Variants in UTS2 observed in about 807,000 individuals in gnomAD.
UTS2 encodes the protein urotensin 2.
In UTS2, 10 loss-of-function variants were observed where a neutral mutation model predicts 12.6. The observed-to-expected ratio is 0.80, with a 90% CI of 0.49 to 1.35. UTS2 has a LOEUF of 1.35. UTS2 is among the 40% of genes most tolerant of loss of function. The probability of loss-of-function intolerance (pLI) is 0.00; values close to 1 mark genes in which losing one functional copy is unlikely to be tolerated. For synonymous variants in UTS2, 52 were observed against 50.0 expected (o/e 1.04, Z -0.17); for missense variants, 142 against 143.2 (o/e 0.99, Z 0.04).
chr1:7,869,400 C>T, the UTS2 span, among the ~76,000 whole-genome samples: 2 of 152,208 alleles, frequency 1.3e-5, no homozygotes, highest in Non-Finnish European at 2.9e-5. Flanking sequence ...CCACATGGCT[C>T]TGCGCATGCC....
chr1:7,854,857 T>C (rs1389851009), upstream of UTS2, among the ~76,000 whole-genome samples: 1 of 133,022 alleles, frequency 7.5e-6, no homozygotes, highest in Non-Finnish European at 1.7e-5. Context: ...CTAATAACAA[T>C]AATAATAATA....
At chr1:7,854,536 G>GAGAA (rs1638264526), upstream of UTS2, among the ~76,000 whole-genome samples, 1 of 143,772 alleles carries the variant, frequency 7.0e-6, no homozygotes, top group South Asian at 2.1e-4. Flanking sequence ...AAAGAAGAAA[G>GAGAA]AAAAGTGGTT....
At chr1:7,867,291 C>T in the UTS2 span, among the ~76,000 whole-genome samples, 2 of 152,094 alleles carry the variant, frequency 1.3e-5, no homozygotes, top group African/African-American at 4.8e-5. Context: ...TTGTGTTGGC[C>T]CCTAATTTAT....
chr1:7,872,314 AAAAAAGGAAAAG>A, the UTS2 span, among the ~76,000 whole-genome samples: 2,515 of 143,398 alleles, frequency 0.018, 108 homozygotes, highest in East Asian at 0.19. Context: ...AAAAAAAAAA[AAAAAAGGAAAAG>A]AAAAAAAAAG....
chr1:7,880,202 G>A, the UTS2 span, among the ~76,000 whole-genome samples: 1 of 152,068 alleles, frequency 6.6e-6, no homozygotes, highest in Admixed American at 6.6e-5. Context: ...AGGTTGCAGT[G>A]AGCTGTGATC....
chr1:7,854,084 G>A (rs1055254440), upstream of UTS2, among the ~76,000 whole-genome samples: 6 of 152,096 alleles, frequency 3.9e-5, no homozygotes, highest in African/African-American at 1.4e-4. Flanking sequence ...AGTGGCTCAC[G>A]CCTGTAATCC....
At chr1:7,856,176 T>C (rs1453256104), upstream of UTS2, among the ~76,000 whole-genome samples, 1 of 138,666 alleles carries the variant, frequency 7.2e-6, no homozygotes, top group Non-Finnish European at 1.5e-5. Context: ...GCAGACTCGA[T>C]AAATATTTGT....
At chr1:7,871,946 C>G in the UTS2 span, among the ~76,000 whole-genome samples, 3 of 152,110 alleles carry the variant, frequency 2.0e-5, no homozygotes, top group Non-Finnish European at 2.9e-5. Context: ...CCTACAATAG[C>G]CTTTAAGTGT....
At chr1:7,911,566 C>T in the UTS2 span, among the ~76,000 whole-genome samples, 84 of 152,192 alleles carry the variant, frequency 5.5e-4, 1 homozygote, top group Admixed American at 3.9e-4. Context: ...GTCCAAAGCC[C>T]GTGAAGTTAA....
chr1:7,853,319 T>C (rs1162588650), upstream of UTS2: 1 of 1,614,072 alleles, frequency 6.2e-7, no homozygotes, highest in Admixed American at 1.7e-5. Flanking sequence ...CAATAAATCA[T>C]GAATTAAAGG....
At chr1:7,900,356 A>G in the UTS2 span, among the ~76,000 whole-genome samples, 2 of 151,756 alleles carry the variant, frequency 1.3e-5, no homozygotes, top group African/African-American at 4.8e-5. Flanking sequence ...CCTTGATTGT[A>G]CCACCACACT....
chr1:7,854,023 AT>A (rs1638243289), upstream of UTS2, among the ~76,000 whole-genome samples: 1 of 152,134 alleles, frequency 6.6e-6, no homozygotes, highest in Non-Finnish European at 1.5e-5. Flanking sequence ...TGAGTTTAGG[AT>A]TTCAAGACCA....
the UTS2 span, among the ~76,000 whole-genome samples, chr1:7,872,844 C>T: frequency 0.39 from 59,356 of 151,988 alleles, 12,399 homozygotes; most frequent in African/African-American, 0.52. Flanking sequence ...CAGCCTTCTG[C>T]TGGAAGAAGA....
upstream of UTS2, among the ~76,000 whole-genome samples, chr1:7,855,534 A>C (rs1638290031): frequency 6.6e-6 from 1 of 152,100 alleles, no homozygotes; most frequent in Non-Finnish European, 1.5e-5. Context: ...CAGTGAGCTG[A>C]GATCATGCTG....
At chr1:7,907,156 T>C in the UTS2 span, among the ~76,000 whole-genome samples, 1 of 152,158 alleles carries the variant, frequency 6.6e-6, no homozygotes. Flanking sequence ...CTTCAGAGGC[T>C]GAGGCGAGAG....
chr1:7,874,440 G>A, the UTS2 span, among the ~76,000 whole-genome samples: 2 of 152,180 alleles, frequency 1.3e-5, no homozygotes, highest in South Asian at 4.1e-4. Flanking sequence ...CACATCCATG[G>A]AGTCCTGCTG....
the UTS2 span, among the ~76,000 whole-genome samples, chr1:7,912,565 T>G: frequency 6.6e-6 from 1 of 152,210 alleles, no homozygotes; most frequent in East Asian, 1.9e-4. Flanking sequence ...GTGATTCTTC[T>G]GCCTCAACCT....
At chr1:7,896,039 A>G in the UTS2 span, among the ~76,000 whole-genome samples, 35,620 of 152,110 alleles carry the variant, frequency 0.23, 5,269 homozygotes, top group East Asian at 0.66. Flanking sequence ...AACAGAAGTA[A>G]AGGGAGCAAA....
chr1:7,892,464 T>C, the UTS2 span, among the ~76,000 whole-genome samples: 1 of 141,384 alleles, frequency 7.1e-6, no homozygotes, highest in Admixed American at 7.9e-5. Context: ...TTCTTCCTCA[T>C]GCATGTTTTT....
Sources: gnomAD v4.1 joint callset for allele counts (sites outside exome capture counted in the v4.1 genomes callset) on GRCh38, gnomAD v4.1.1 for gene constraint, MANE v1.5 for transcripts, NCBI Gene and HGNC (gene_info 2026-07-23, HGNC 2026-07-21) for gene names.